Variants in PELI2 observed in about 807,000 individuals in gnomAD.
PELI2 encodes E3 ubiquitin-protein ligase pellino homolog 2.
A neutral mutation model predicts 42.3 loss-of-function variants in PELI2; 23 were observed. The ratio of observed to expected loss-of-function variants is 0.54; its 90% CI spans 0.39 to 0.77. The LOEUF (loss-of-function observed/expected upper bound fraction) is 0.77, where lower values mean the gene tolerates loss of function less well. PELI2 is among the 30% of genes least tolerant of loss of function. The pLI is 0.00. For missense variants in PELI2, 463 were observed against 553.2 expected (o/e 0.84, Z 1.64); for synonymous variants, 245 against 212.2 (o/e 1.15, Z -1.34).
chr14:56,169,078 G>C (rs242403), intron 1 of PELI2, among the ~76,000 whole-genome samples: 126,826 of 152,164 alleles, frequency 0.83, 53,374 homozygotes, highest in African/African-American at 0.95. Context: ...CCACTCTACC[G>C]TCTCCTCTCT....
At position 56,288,038 on chromosome 14, in the gene PELI2, A is replaced by C. The variant is rs1256246557; in HGVS notation, c.310-399A>C. ...GCCAAAGATCTACTCCTGTCCTCTT[A>C]ATTGAGCTTTTTCTCAATACTTAAA... On this transcript the variant is annotated intron_variant, in intron 3 of 5. Coordinates refer to ENST00000267460, the MANE Select transcript of PELI2 (RefSeq NM_021255.3). This position sits in a 1 kb window ranked among gnomAD's most constrained non-coding sequence, Gnocchi z 4.6. Among the ~76,000 whole-genome samples the C allele has an allele frequency of 6.6e-6, 1 of 152,192 alleles. No individual in the cohort carries two copies.
intron 4 of PELI2, among the ~76,000 whole-genome samples, chr14:56,289,234 G>A (rs1280102263): frequency 6.6e-6 from 1 of 152,164 alleles, no homozygotes; most frequent in Non-Finnish European, 1.5e-5. Context: ...CACATAAGAA[G>A]TGCCGATGAA....
chr14:56,155,986 A>G lies in PELI2; in HGVS notation c.78-22349A>G, dbSNP rs147417749. On this transcript the variant is annotated intron_variant, in intron 1 of 5. Coordinates refer to ENST00000267460, the MANE Select transcript of PELI2 (RefSeq NM_021255.3). ...ATTTCCGTTTCAATTTTATTGATTAAGCTAAAACTTTTATAACAATATTTA... is the reference window on the plus strand; with the variant it reads ...ATTTCCGTTTCAATTTTATTGATTAGGCTAAAACTTTTATAACAATATTTA... Among the ~76,000 whole-genome samples the G allele has an allele frequency of 7.8e-3, 1,183 of 152,284 alleles. 17 individuals are homozygous for G. Among genetic ancestry groups the G allele is most frequent in the African/African-American group, 0.027 (1,107 of 41,550 alleles).
intron 1 of PELI2, among the ~76,000 whole-genome samples, chr14:56,156,351 A>G (rs1003082987): frequency 6.6e-6 from 1 of 152,196 alleles, no homozygotes; most frequent in Non-Finnish European, 1.5e-5. Context: ...AGGCAGTAGG[A>G]CATTTTCTTA....
chr14:56,205,245 A>G (rs1223454821), intron 2 of PELI2, among the ~76,000 whole-genome samples: 1 of 152,136 alleles, frequency 6.6e-6, no homozygotes, highest in Admixed American at 6.5e-5. Flanking sequence ...GGTGGGAGGC[A>G]GTGAAGACAT....
rs150774055 is a variant in PELI2, at chr14:56,274,257, T to C, written c.208-5419T>C. The stretch of plus-strand genomic sequence containing the variant: ...CCACAGTGATAAATCCCATTTTCTC[T>C]CTCCATACAGTTGATAAAGGCTCAC... On this transcript the variant is annotated intron_variant, in intron 2 of 5. Transcript: ENST00000267460. 8.7e-3 allele frequency among the ~76,000 whole-genome samples: 1,322 copies of C among 152,264 alleles called. 13 individuals carry two copies. Among genetic ancestry groups the C allele is most frequent in the Non-Finnish European group, 0.011 (718 of 68,022 alleles).
In PELI2 at chr14:56,262,438, C is replaced by G. The variant is rs140396875; in HGVS notation, c.208-17238C>G. ...GTTTTATTATAAGCAAAAAGATAAT[C>G]AACCACAGATTTTTTTTCATATCAG... On this transcript the variant is annotated intron_variant, in intron 2 of 5. Coordinates refer to ENST00000267460, the MANE Select transcript of PELI2 (RefSeq NM_021255.3). Among the ~76,000 whole-genome samples the G allele has an allele frequency of 2.1e-4, 32 of 152,272 alleles. No individual in the cohort carries two copies. In the East Asian group the frequency reaches 4.2e-3, roughly 20 times the overall value.
At chr14:56,166,598 C>G (rs183314163) in intron 1 of PELI2, among the ~76,000 whole-genome samples, 2 of 152,148 alleles carry the variant, frequency 1.3e-5, no homozygotes, top group Non-Finnish European at 2.9e-5. Flanking sequence ...CTGGGAAAGT[C>G]TTTATTTCTT....
rs559660397 is a variant in PELI2, at chr14:56,219,667, A to C, written c.207+41203A>C. Among the ~76,000 whole-genome samples, 1 of 152,348 alleles carries C rather than the reference A, an allele frequency of 6.6e-6. No individual in the cohort carries two copies. Among genetic ancestry groups the C allele is most frequent in the Non-Finnish European group, 1.5e-5 (1 of 68,028 alleles). The stretch of plus-strand genomic sequence containing the variant: ...TTTATGGATGATTCTTAACTGGCTG[A>C]TTATCCCATTTCTATTTCAGTAGCC... On this transcript the variant is annotated intron_variant, in intron 2 of 5. Transcript: ENST00000267460. The surrounding 1 kb of genome is among the most constrained non-coding windows in gnomAD (Gnocchi z 4.1).
intron 2 of PELI2, among the ~76,000 whole-genome samples, chr14:56,230,394 C>T (rs1887513476): frequency 6.6e-6 from 1 of 152,192 alleles, no homozygotes; most frequent in South Asian, 2.1e-4. Context: ...AGACTAACAG[C>T]AGATCTCTCG....
chr14:56,242,577 A>G (rs768905291), intron 2 of PELI2, among the ~76,000 whole-genome samples: 8 of 152,216 alleles, frequency 5.3e-5, no homozygotes, highest in Non-Finnish European at 1.0e-4. Flanking sequence ...ACAACTTGCA[A>G]TTGCAAAAAT....
intron 2 of PELI2, among the ~76,000 whole-genome samples, chr14:56,255,040 A>G (rs1324072276): frequency 6.6e-6 from 1 of 152,178 alleles, no homozygotes; most frequent in Non-Finnish European, 1.5e-5. Context: ...TGTTGGTGGG[A>G]GTGTAAATTA....
chr14:56,197,528 A>G lies in PELI2; in HGVS notation c.207+19064A>G, dbSNP rs979405740. 6.6e-6 allele frequency among the ~76,000 whole-genome samples: 1 copy of G among 152,092 alleles called. No individual in the cohort carries two copies. Among genetic ancestry groups the G allele is most frequent in the African/African-American group, 2.4e-5 (1 of 41,406 alleles). Reference sequence around the variant, plus strand: ...GCGGGTGTTCTGGCTTTGATATGGAAGGAAAGGATGGAAGCACAGAGACCA... The same window carrying G: ...GCGGGTGTTCTGGCTTTGATATGGAGGGAAAGGATGGAAGCACAGAGACCA... On this transcript the variant is annotated intron_variant, in intron 2 of 5. Transcript: ENST00000267460. The surrounding 1 kb of genome is among the most constrained non-coding windows in gnomAD (Gnocchi z 4.9).
At chr14:56,274,473 C>A (rs1889219845) in intron 2 of PELI2, among the ~76,000 whole-genome samples, 1 of 152,194 alleles carries the variant, frequency 6.6e-6, no homozygotes, top group South Asian at 2.1e-4. Flanking sequence ...AATTCTTTGG[C>A]TGCCATTAAG....
chr14:56,223,170 C>A (rs1887212800), intron 2 of PELI2, among the ~76,000 whole-genome samples: 1 of 152,170 alleles, frequency 6.6e-6, no homozygotes, highest in Non-Finnish European at 1.5e-5. Flanking sequence ...AAAACCCAAG[C>A]AAATTGCACT....
chr14:56,295,452 C>T lies in PELI2; in HGVS notation c.697-1148C>T, dbSNP rs371176878. Among the ~76,000 whole-genome samples the T allele has an allele frequency of 1.3e-4, 20 of 152,230 alleles. 1 individual carries two copies. The highest frequency in any genetic ancestry group is 8.5e-4 in the Admixed American group (13 of 15,298). ...TTGGTGCATATGCCATTTGGCCTCT[C>T]CTCCTTCTCCCTGCTGTGCCTTCCT... On this transcript the variant is annotated intron_variant, in intron 5 of 5. Coordinates refer to ENST00000267460, the MANE Select transcript of PELI2 (RefSeq NM_021255.3).
At chr14:56,279,901 T>G (rs961613786) in intron 3 of PELI2, 124 bp downstream of exon 3, 10 of 428,564 alleles carry the variant, frequency 2.3e-5, no homozygotes, top group Non-Finnish European at 3.7e-5. Flanking sequence ...AATATAAAAA[T>G]TATTCCTGTT....
At chr14:56,242,929 A>G (rs1489224421) in intron 2 of PELI2, among the ~76,000 whole-genome samples, 1 of 152,214 alleles carries the variant, frequency 6.6e-6, no homozygotes. Context: ...TGGGTGCACC[A>G]CAATCCCAGA....
intron 2 of PELI2, among the ~76,000 whole-genome samples, chr14:56,215,440 G>A (rs1342827588): frequency 6.6e-6 from 1 of 152,028 alleles, no homozygotes; most frequent in Non-Finnish European, 1.5e-5. Flanking sequence ...ACATGATTTG[G>A]GGTTTCCTCA....
Sources: allele counts gnomAD v4.1 joint callset (sites outside exome capture counted in the v4.1 genomes callset), GRCh38; gene constraint gnomAD v4.1.1; non-coding constraint Gnocchi (gnomAD v3.1); transcripts MANE v1.5; gene names NCBI Gene and HGNC (gene_info 2026-07-23, HGNC 2026-07-21).